The following SCN9A variants were observed in gnomAD, a reference collection of about 807,000 sequenced individuals.
SCN9A encodes sodium voltage-gated channel alpha subunit 9, also known as sodium channel protein type 9 subunit alpha.
SCN9A carries 131 observed loss-of-function variants against 187.0 expected under a neutral mutation model. The ratio of observed to expected loss-of-function variants is 0.70; its 90% CI spans 0.61 to 0.81. The LOEUF is 0.81. Ranked by LOEUF, SCN9A falls within the 30% of genes least tolerant of loss-of-function variation. SCN9A has a pLI of 0.00. For missense variants in SCN9A, 2,252 were observed against 2,396.6 expected, an observed-to-expected ratio of 0.94 and a Z score of 1.26; for synonymous variants, 809 against 808.6, an observed-to-expected ratio of 1.00 and a Z score of -0.01.
intron 20 of SCN9A, among the ~76,000 whole-genome samples, chr2:166,236,325 A>G (rs1275439827): frequency 2.0e-5 from 3 of 152,236 alleles, no homozygotes; most frequent in African/African-American, 7.2e-5. Context: ...ATAAGGTGTA[A>G]TATATAGCTA....
At chr2:166,313,858 TGA>T (rs1699039644) in intron 1 of SCN9A, among the ~76,000 whole-genome samples, 1 of 152,156 alleles carries the variant, frequency 6.6e-6, no homozygotes, top group African/African-American at 2.4e-5. Context: ...TGATTTAAAG[TGA>T]GAAATGCGCA....
chr2:166,280,300 AATG>A, intron 14 of SCN9A, 54 bp downstream of exon 14: 1 of 969,568 alleles, frequency 1.0e-6, no homozygotes, highest in South Asian at 1.6e-5. Context: ...ATGAAATGAC[AATG>A]ATGACAACTA....
chr2:166,318,533 A>C (rs1699163120), intron 1 of SCN9A, among the ~76,000 whole-genome samples: 1 of 152,072 alleles, frequency 6.6e-6, no homozygotes, highest in African/African-American at 2.4e-5. Context: ...AGTTAAAGTT[A>C]GTATTCCTAG....
intron 14 of SCN9A, among the ~76,000 whole-genome samples, chr2:166,278,885 T>C (rs761341408): frequency 4.6e-5 from 7 of 152,164 alleles, no homozygotes; most frequent in Non-Finnish European, 5.9e-5. Flanking sequence ...GATACTGGTA[T>C]CAAAGGACTC....
In SCN9A at chr2:166,357,985, T is replaced by C. The variant is rs1364100100; in HGVS notation, c.-51+17712A>G. On this transcript the variant is annotated intron_variant, in intron 1 of 26. Transcript: ENST00000642356. ...TTGCACATACCTTCAATAAAGTATT[T>C]CATAAATTTTTTTTCATCTTTGTGA... is the stretch of plus-strand genomic sequence containing the variant. Among the ~76,000 whole-genome samples the C allele has an allele frequency of 4.1e-5, 4 of 97,486 alleles. No homozygotes were observed. In the East Asian group the frequency reaches 6.3e-4, roughly 15 times the overall value. The allele number at this position is 97,486 out of a possible 152,430, so 64.0% of individuals were successfully genotyped here. A position where few individuals can be genotyped will look rare whatever the true frequency, so the allele number is the denominator to read the frequency against.
At chr2:166,372,301 A>G (rs1331427779) in intron 1 of SCN9A, among the ~76,000 whole-genome samples, 1 of 152,200 alleles carries the variant, frequency 6.6e-6, no homozygotes, top group African/African-American at 2.4e-5. Context: ...GCAAACATCA[A>G]TTTAGACCGT....
intron 1 of SCN9A, among the ~76,000 whole-genome samples, chr2:166,367,758 A>G (rs374500828): frequency 9.2e-5 from 14 of 152,202 alleles, no homozygotes; most frequent in African/African-American, 2.7e-4. Flanking sequence ...CATTCAACCT[A>G]TAAAACAACT....
intron 1 of SCN9A, among the ~76,000 whole-genome samples, chr2:166,328,267 T>C (rs970985322): frequency 2.0e-5 from 3 of 152,142 alleles, no homozygotes; most frequent in Admixed American, 2.0e-4. Flanking sequence ...TTTTTAACTT[T>C]TATTTTAAGT....
chr2:166,356,053 G>A (rs182852687), intron 1 of SCN9A, among the ~76,000 whole-genome samples: 36 of 152,258 alleles, frequency 2.4e-4, no homozygotes, highest in African/African-American at 8.4e-4. Flanking sequence ...TTACAGGCGT[G>A]AGCCACTGCG....
chr2:166,236,125 A>G (rs1184833209), intron 20 of SCN9A, among the ~76,000 whole-genome samples: 2 of 152,110 alleles, frequency 1.3e-5, no homozygotes, highest in Non-Finnish European at 2.9e-5. Context: ...CATTCCTTCT[A>G]TAATTTCTTC....
intron 1 of SCN9A, among the ~76,000 whole-genome samples, chr2:166,348,532 C>T (rs1052855741): frequency 1.3e-5 from 2 of 152,142 alleles, no homozygotes; most frequent in African/African-American, 2.4e-5. Context: ...CTCCAAGTCT[C>T]TAGGTTTCCA....
At chr2:166,350,803 T>TATTACATCAGCG (rs1700016088) in intron 1 of SCN9A, among the ~76,000 whole-genome samples, 1 of 152,268 alleles carries the variant, frequency 6.6e-6, no homozygotes, top group East Asian at 1.9e-4. Context: ...TAAGTATATG[T>TATTACATCAGCG]ATTACATCAG....
intron 20 of SCN9A, among the ~76,000 whole-genome samples, chr2:166,236,535 C>T (rs1287002885): frequency 1.3e-5 from 2 of 152,152 alleles, no homozygotes; most frequent in Admixed American, 1.3e-4. Context: ...ATTCTTCTGC[C>T]TCAGCCTCCT....
In SCN9A at chr2:166,226,629, A is replaced by T; in HGVS notation, c.4336T>A (p.Phe1446Ile). 3 of 1,591,898 alleles carry T rather than the reference A, an allele frequency of 1.9e-6. No homozygotes were observed. Among genetic ancestry groups the T allele is most frequent in the Non-Finnish European group, 2.6e-6 (3 of 1,168,682 alleles). ...YFVVFIIFGSFFTLNLFIGVI... is the reference protein window; with the variant it reads ...YFVVFIIFGSIFTLNLFIGVI... ...CCAATGAACAAGTTCAAAGTGAAGA[A>T]TGACCCAAAGATGATAAAGACGACA... The change falls in exon 24 of 27, where the codon TTC becomes ATC. Residue 1446 changes from phenylalanine to isoleucine, a missense_variant. Phe to Ile is a conservative substitution (Grantham distance 21, BLOSUM62 0). Coordinates refer to ENST00000642356, the MANE Select transcript of SCN9A (RefSeq NM_001365536.1).
intron 17 of SCN9A, among the ~76,000 whole-genome samples, chr2:166,258,129 G>A (rs1033618529): frequency 6.6e-6 from 1 of 151,398 alleles, no homozygotes; most frequent in Non-Finnish European, 1.5e-5. Flanking sequence ...ATAAAAAGGA[G>A]TCAAGATTCT....
intron 24 of SCN9A, among the ~76,000 whole-genome samples, chr2:166,206,222 T>G (rs1693796924): frequency 6.6e-6 from 1 of 152,262 alleles, no homozygotes; most frequent in Admixed American, 6.5e-5. Context: ...TATGTATATT[T>G]ATTGCAGCAC....
At position 166,200,211 on chromosome 2, in the gene SCN9A, A is replaced by T. The variant is rs1693438446; in HGVS notation, c.4775-347T>A. ...ACGGGGTTTCACCTTGTTAGCCAGG[A>T]TGGTCTCGATCTCCTGACCTCGTGA... On this transcript the variant is annotated intron_variant, in intron 26 of 26. Transcript: ENST00000642356. 3.3e-5 allele frequency among the ~76,000 whole-genome samples: 5 copies of T among 150,340 alleles called. No homozygotes were observed. In the South Asian group the frequency reaches 1.1e-3, roughly 32 times the overall value.
rs200240989 is a variant in SCN9A, at chr2:166,311,544, C to T, written c.213G>A (p.Val71=). The change falls in exon 2 of 27, where the codon GTG becomes GTA. Residue 71 remains valine (V), a synonymous_variant. Coordinates refer to ENST00000642356, the MANE Select transcript of SCN9A (RefSeq NM_001365536.1). ...FIYGDIPPGM[V]SEPLEDLDPY... ...GGTCCAAGTCCTCCAGGGGCTCTGA[C>T]ACCATGCCGGGAGGAATGTCCCCAT... is the stretch of plus-strand genomic sequence containing the variant. The T allele has an allele frequency of 1.7e-4, 278 of 1,612,456 alleles. No individual in the cohort carries two copies. Among genetic ancestry groups the T allele is most frequent in the Non-Finnish European group, 2.2e-4 (258 of 1,179,382 alleles).
intron 9 of SCN9A, among the ~76,000 whole-genome samples, chr2:166,289,093 T>C (rs1053786333): frequency 3.4e-4 from 51 of 152,158 alleles, no homozygotes; most frequent in African/African-American, 1.1e-3. Context: ...ATTCATCTCA[T>C]AGGTATTTTC....
Sources: gnomAD v4.1 joint callset for allele counts (sites outside exome capture counted in the v4.1 genomes callset) on GRCh38, gnomAD v4.1.1 for gene constraint, MANE v1.5 for transcripts, NCBI Gene and HGNC (gene_info 2026-07-23, HGNC 2026-07-21) for gene names.